The following SLC17A6 variants were observed in gnomAD, a reference collection of about 807,000 sequenced individuals.
The protein encoded by SLC17A6 is vesicular glutamate transporter 2.
In SLC17A6, 35 loss-of-function variants were observed where a neutral mutation model predicts 67.1. The ratio of observed to expected loss-of-function variants is 0.52; its 90% CI spans 0.40 to 0.69. The LOEUF (loss-of-function observed/expected upper bound fraction) is 0.69. Ranked by LOEUF, SLC17A6 falls within the 30% of genes least tolerant of loss-of-function variation. The pLI is 0.00. For synonymous variants in SLC17A6, 285 were observed against 252.3 expected, an observed-to-expected ratio of 1.13 and a Z score of -1.23; for missense variants, 588 against 723.9, an observed-to-expected ratio of 0.81 and a Z score of 2.15.
chr11:22,358,008 A>G (rs1436919573), intron 3 of SLC17A6, among the ~76,000 whole-genome samples: 1 of 152,188 alleles, frequency 6.6e-6, no homozygotes, highest in African/African-American at 2.4e-5. Context: ...GTTTTAATTC[A>G]CTGCTGTTTG....
chr11:22,346,655 G>T (rs1004427128), intron 3 of SLC17A6, among the ~76,000 whole-genome samples: 4 of 151,756 alleles, frequency 2.6e-5, no homozygotes, highest in Admixed American at 2.0e-4. Context: ...AAAAAAATGT[G>T]GGGGGCAAAT....
At chr11:22,355,030 T>A (rs932598130) in intron 3 of SLC17A6, among the ~76,000 whole-genome samples, 4 of 152,236 alleles carry the variant, frequency 2.6e-5, no homozygotes, top group African/African-American at 9.6e-5. Flanking sequence ...TTAGTATTAT[T>A]ATCATGCAAG....
chr11:22,350,247 C>T (rs904740646), intron 3 of SLC17A6, among the ~76,000 whole-genome samples: 57 of 152,096 alleles, frequency 3.7e-4, no homozygotes, highest in African/African-American at 1.0e-3. Flanking sequence ...TATTACACCT[C>T]TTGATTTTGG....
intron 1 of SLC17A6, among the ~76,000 whole-genome samples, chr11:22,340,018 T>A (rs1435314046): frequency 1.3e-5 from 2 of 152,232 alleles, no homozygotes; most frequent in African/African-American, 4.8e-5. Flanking sequence ...TAGCCACAAA[T>A]ACCTTTATGA....
At chr11:22,351,450 C>G (rs935884926) in intron 3 of SLC17A6, among the ~76,000 whole-genome samples, 1 of 152,032 alleles carries the variant, frequency 6.6e-6, no homozygotes, top group Non-Finnish European at 1.5e-5. Context: ...TGTTTATGAC[C>G]ATGAAGGCAG....
At chr11:22,357,269 G>A (rs1184352861) in intron 3 of SLC17A6, among the ~76,000 whole-genome samples, 2 of 152,190 alleles carry the variant, frequency 1.3e-5, no homozygotes, top group Non-Finnish European at 2.9e-5. Context: ...TTAGGTGCTT[G>A]TGGAGTTTAT....
At chr11:22,361,481 T>C (rs1856052607) in intron 5 of SLC17A6, among the ~76,000 whole-genome samples, 2 of 152,146 alleles carry the variant, frequency 1.3e-5, no homozygotes, top group Non-Finnish European at 2.9e-5. Flanking sequence ...GTTTGAATTA[T>C]AGTGAATAAA....
intron 8 of SLC17A6, among the ~76,000 whole-genome samples, chr11:22,373,753 G>T (rs896333252): frequency 2.0e-5 from 3 of 152,088 alleles, no homozygotes; most frequent in Non-Finnish European, 4.4e-5. Flanking sequence ...GGATGGAAGA[G>T]ATCATTCTAT....
Position 22,365,590 on chromosome 11 carries a change from T to A in SLC17A6, c.792T>A (p.Ser264=). 1 of 1,614,040 alleles carries A rather than the reference T, an allele frequency of 6.2e-7. No homozygotes were observed. The highest frequency in any genetic ancestry group is 8.5e-7 in the Non-Finnish European group (1 of 1,179,924). ...GGTACATGTTTTGGCTTTTGGTGTCTTATGAAAGTCCTGCAAAGCATCCTA... is the reference window on the plus strand; with the variant it reads ...GGTACATGTTTTGGCTTTTGGTGTCATATGAAAGTCCTGCAAAGCATCCTA... ...MVWYMFWLLV[S]YESPAKHPTI... The change falls in exon 7 of 12, where the codon TCT becomes TCA. Residue 264 remains serine, a synonymous_variant. Transcript: ENST00000263160.
intron 1 of SLC17A6, among the ~76,000 whole-genome samples, chr11:22,339,078 T>A (rs990066152): frequency 0.011 from 963 of 83,806 alleles, 18 homozygotes; most frequent in Non-Finnish European, 0.018. Flanking sequence ...TATATATATG[T>A]TATATATATA....
At chr11:22,357,545 A>G (rs1389294230) in intron 3 of SLC17A6, among the ~76,000 whole-genome samples, 2 of 152,170 alleles carry the variant, frequency 1.3e-5, no homozygotes, top group Admixed American at 6.5e-5. Flanking sequence ...AGCACTCCAC[A>G]ACAAACGGTT....
At chr11:22,368,649 C>T (rs1391436269) in intron 7 of SLC17A6, among the ~76,000 whole-genome samples, 2 of 151,946 alleles carry the variant, frequency 1.3e-5, no homozygotes, top group African/African-American at 4.8e-5. Context: ...AGTTCTTTTA[C>T]TTTTAATAGT....
Position 22,338,586 on chromosome 11 carries a change from A to T in SLC17A6, c.53A>T (p.Asn18Ile). 1 of 1,613,790 alleles carries T rather than the reference A, an allele frequency of 6.2e-7. No homozygotes were observed. The highest frequency in any genetic ancestry group is 8.5e-7 in the Non-Finnish European group (1 of 1,179,860). Residue 18 changes from asparagine (N) to isoleucine (I), a missense_variant, in exon 1 of 12, where the codon AAT becomes ATT. By Grantham distance (149) the Asn-to-Ile change is moderately radical (BLOSUM62 -3). Coordinates refer to ENST00000263160, the MANE Select transcript of SLC17A6 (RefSeq NM_020346.3). ...GCCCCAGGAAAAGAGGGGCTAAAGA[A>T]TTTTGCTGGAAAATCACTCGGCCAG... ...ILAPGKEGLK[N>I]FAGKSLGQIY...
chr11:22,361,867 T>C (rs11026533), intron 5 of SLC17A6, among the ~76,000 whole-genome samples: 20,117 of 152,182 alleles, frequency 0.13, 1,899 homozygotes, highest in East Asian at 0.47. Flanking sequence ...AGAACTGCTG[T>C]AAATAATGCT....
At chr11:22,346,965 C>A (rs914029564) in intron 3 of SLC17A6, among the ~76,000 whole-genome samples, 1 of 151,264 alleles carries the variant, frequency 6.6e-6, no homozygotes, top group African/African-American at 2.4e-5. Flanking sequence ...AACTGTTTTG[C>A]CTTTATTTAG....
In SLC17A6 at chr11:22,374,736, CCTT is replaced by C. The variant is rs1224538439; in HGVS notation, c.1042-15_1042-13del. ...ATTTATGGTTATGTCTATTTCTCTC[CCTT>C]CTTGTTTTTCATCAGGTTGGTATGC... On this transcript the variant is annotated splice_polypyrimidine_tract_variant and intron_variant, in intron 8 of 11. Coordinates refer to ENST00000263160, the MANE Select transcript of SLC17A6 (RefSeq NM_020346.3). 1.9e-6 allele frequency: 3 copies of C among 1,570,882 alleles called. No individual in the cohort carries two copies. The highest frequency in any genetic ancestry group is 2.6e-6 in the Non-Finnish European group (3 of 1,160,440).
At chr11:22,361,130 C>T (rs1019558039) in intron 5 of SLC17A6, 146 bp downstream of exon 5, 10 of 551,576 alleles carry the variant, frequency 1.8e-5, no homozygotes, top group South Asian at 9.0e-5. Flanking sequence ...ACCACCATTT[C>T]CATTTCTTTA....
chr11:22,377,846 G>A lies in SLC17A6; in HGVS notation c.*106G>A, dbSNP rs1415019950. On this transcript the variant is annotated 3_prime_UTR_variant, in exon 12 of 12. Coordinates refer to ENST00000263160, the MANE Select transcript of SLC17A6 (RefSeq NM_020346.3). ...GTAAACTTGCAAGCATATCAACCAG[G>A]CAAGTCTTGCTGTAAAAATGAAAAC... is the stretch of plus-strand genomic sequence containing the variant. 2 of 901,854 alleles carry A rather than the reference G, an allele frequency of 2.2e-6. No homozygotes were observed. Among genetic ancestry groups the A allele is most frequent in the African/African-American group, 3.4e-5 (2 of 58,880 alleles). 55.9% of individuals were successfully genotyped at this position (901,854 alleles called of 1,614,324 possible).
chr11:22,374,667 G>A (rs1292898993), intron 8 of SLC17A6, 88 bp from the exon 9 acceptor site: 3 of 1,103,152 alleles, frequency 2.7e-6, no homozygotes, highest in East Asian at 2.6e-5. Context: ...CCATAAAGAT[G>A]TGATGACAGA....
Sources: allele counts gnomAD v4.1 joint callset (sites outside exome capture counted in the v4.1 genomes callset), GRCh38; gene constraint gnomAD v4.1.1; transcripts MANE v1.5; gene names NCBI Gene and HGNC (gene_info 2026-07-23, HGNC 2026-07-21).